Variants in SAFB observed in about 807,000 individuals in gnomAD.
SAFB encodes scaffold attachment factor B.
In SAFB, 15 loss-of-function variants were observed where a neutral mutation model predicts 101.6. The observed-to-expected ratio is 0.15, with a 90% CI of 0.10 to 0.23. The LOEUF (loss-of-function observed/expected upper bound fraction) is 0.23, where lower values mean the gene tolerates loss of function less well. Among genes scored for constraint, SAFB ranks in the 10% least tolerant of loss-of-function variants. The pLI is 1.00. For missense variants in SAFB, 930 were observed against 1,104.1 expected (o/e 0.84, Z 2.23); for synonymous variants, 449 against 407.5 (o/e 1.10, Z -1.23).
At chr19:5,656,630 G>A (rs917925346) in intron 13 of SAFB, among the ~76,000 whole-genome samples, 5 of 145,768 alleles carry the variant, frequency 3.4e-5, no homozygotes, top group African/African-American at 5.1e-5. Context: ...ACACTGGAGT[G>A]TAGTGGCGCG....
intron 2 of SAFB, among the ~76,000 whole-genome samples, chr19:5,636,227 G>T (rs376611911): frequency 6.6e-6 from 1 of 152,020 alleles, no homozygotes; most frequent in African/African-American, 2.4e-5. Flanking sequence ...AGAGAACACC[G>T]TATGGAGGGC....
chr19:5,641,522 G>A (rs1336893625), intron 2 of SAFB, 72 bp from the exon 3 acceptor site: 60 of 1,240,384 alleles, frequency 4.8e-5, no homozygotes, highest in South Asian at 3.2e-4. Context: ...CACTTGTGTA[G>A]TGCTCAGGGC....
At position 5,630,069 on chromosome 19, in the gene SAFB, C is replaced by G. The variant is rs531877372; in HGVS notation, c.274+3580C>G. On this transcript the variant is annotated intron_variant, in intron 2 of 20. Coordinates refer to ENST00000588852, the MANE Select transcript of SAFB (RefSeq NM_001201338.2). ...ACAAAAACAAAAACAAAAAGCTGTC[C>G]CAGGTTGTACCCTACCAACAATGGG... Among the ~76,000 whole-genome samples the G allele has an allele frequency of 1.2e-4, 19 of 152,268 alleles. No individual in the cohort carries two copies. The East Asian group carries it at 2.9e-3, about 23-fold the overall frequency.
In SAFB at chr19:5,667,402, G is replaced by T; in HGVS notation, c.2509G>T (p.Gly837Cys). 1.3e-6 allele frequency: 2 copies of T among 1,516,240 alleles called. No individual in the cohort carries two copies. Among genetic ancestry groups the T allele is most frequent in the Non-Finnish European group, 1.8e-6 (2 of 1,137,994 alleles). 93.9% of individuals were successfully genotyped at this position (1,516,240 alleles called of 1,614,324 possible). A position where few individuals can be genotyped will look rare whatever the true frequency, so the allele number is the denominator to read the frequency against. Reference sequence around the variant, plus strand: ...AAGAGAGGATGACCGGTCATGGCAGGGCACGGCCGACGGGGGCATGATGGA... The same window carrying T: ...AAGAGAGGATGACCGGTCATGGCAGTGCACGGCCGACGGGGGCATGATGGA... ...GRREDDRSWQ[G>C]TADGGMMDRD... Residue 837 changes from glycine (G) to cysteine (C), a missense_variant, in exon 19 of 21, where the codon GGC becomes TGC. Coordinates refer to ENST00000588852, the MANE Select transcript of SAFB (RefSeq NM_001201338.2). This position sits in a 1 kb window ranked among gnomAD's most constrained non-coding sequence, Gnocchi z 4.0.
intron 10 of SAFB, 23 bp from the exon 11 acceptor site, chr19:5,653,315 T>C (rs374888263): frequency 3.3e-5 from 53 of 1,613,392 alleles, no homozygotes; most frequent in Non-Finnish European, 4.3e-5. Flanking sequence ...GAAATGGGGG[T>C]AATACTTGAT....
Position 5,636,742 on chromosome 19 carries a change from C to G in SAFB, c.275-4852C>G, listed in dbSNP as rs910856166. ...CTTTTTTCTTTGAGACAGGGTCTGA[C>G]TCTGTCACCCAGGCTGAGTGCAGTG... On this transcript the variant is annotated intron_variant, in intron 2 of 20. Transcript: ENST00000588852. Among the ~76,000 whole-genome samples, 48 of 151,890 alleles carry G rather than the reference C, an allele frequency of 3.2e-4. 1 individual carries two copies. The highest frequency in any genetic ancestry group is 2.6e-4 in the Admixed American group (4 of 15,258).
intron 15 of SAFB, among the ~76,000 whole-genome samples, 175 bp downstream of exon 15, chr19:5,661,983 C>T (rs2054219829): frequency 6.6e-6 from 1 of 151,558 alleles, no homozygotes; most frequent in Non-Finnish European, 1.5e-5. Flanking sequence ...CTCCCGGGTT[C>T]ACACCATTCT....
intron 2 of SAFB, among the ~76,000 whole-genome samples, chr19:5,640,401 C>T (rs371169397): frequency 1.7e-5 from 2 of 114,978 alleles, no homozygotes; most frequent in Non-Finnish European, 1.6e-5. Context: ...GAGTCTCGCT[C>T]TGTTGCCAGA....
chr19:5,656,558 G>A (rs1018207015), intron 13 of SAFB, among the ~76,000 whole-genome samples: 2 of 149,950 alleles, frequency 1.3e-5, no homozygotes, highest in Non-Finnish European at 3.0e-5. Flanking sequence ...TTATAGGCGT[G>A]AGCCACTGCG....
intron 13 of SAFB, among the ~76,000 whole-genome samples, chr19:5,655,499 A>G (rs1005977902): frequency 1.3e-5 from 2 of 149,306 alleles, no homozygotes; most frequent in African/African-American, 4.9e-5. Flanking sequence ...TATTATTTGC[A>G]TGGTCTGTGC....
rs569076445 is a variant in SAFB at position 5,651,590 on chromosome 19, T to A, written c.1293+518T>A. On this transcript the variant is annotated intron_variant, in intron 9 of 20. Transcript: ENST00000588852. ...ACCACTGGGGGCAGTTCTAGTGGCC[T>A]CTTGTCTGCAGCACCTGCCTTTCCT... is the stretch of plus-strand genomic sequence containing the variant. Among the ~76,000 whole-genome samples the A allele has an allele frequency of 2.6e-5, 4 of 152,294 alleles. No homozygotes were observed. The East Asian group carries it at 7.7e-4, about 29-fold the overall frequency.
intron 2 of SAFB, among the ~76,000 whole-genome samples, chr19:5,630,861 AT>A (rs1445952203): frequency 2.6e-5 from 4 of 152,240 alleles, no homozygotes; most frequent in African/African-American, 9.6e-5. Flanking sequence ...TTTAGAATGT[AT>A]TTTGCATGTG....
chr19:5,650,045 G>A, intron 8 of SAFB, 70 bp downstream of exon 8: 1 of 1,197,776 alleles, frequency 8.3e-7, no homozygotes, highest in African/African-American at 1.5e-5. Context: ...ATTTGATTCT[G>A]GTTCATCGCG....
intron 5 of SAFB, among the ~76,000 whole-genome samples, chr19:5,645,735 A>T (rs555774046): frequency 1.6e-4 from 25 of 152,266 alleles, no homozygotes; most frequent in African/African-American, 5.8e-4. Flanking sequence ...CTGCAGAAAG[A>T]TGATTTGATG....
intron 15 of SAFB, among the ~76,000 whole-genome samples, chr19:5,662,098 G>C (rs1372978080): frequency 6.6e-6 from 1 of 152,098 alleles, no homozygotes; most frequent in African/African-American, 2.4e-5. Context: ...TGTTAGCCAG[G>C]ATGGTCTCTA....
At chr19:5,660,338 A>C (rs1599379472) in intron 14 of SAFB, among the ~76,000 whole-genome samples, 4 of 115,474 alleles carry the variant, frequency 3.5e-5, no homozygotes, top group Admixed American at 1.9e-4. Flanking sequence ...CTCCCTGCAC[A>C]CACCTTTTTT....
intron 15 of SAFB, among the ~76,000 whole-genome samples, chr19:5,663,162 C>G (rs1049252094): frequency 5.9e-5 from 9 of 151,726 alleles, no homozygotes; most frequent in African/African-American, 2.2e-4. Context: ...GCTACCACAC[C>G]CGGCTAATTT....
chr19:5,647,990 A>G (rs2053860130), intron 5 of SAFB, 26 bp from the exon 6 acceptor site: 1 of 1,605,080 alleles, frequency 6.2e-7, no homozygotes. Context: ...CATCTGGCAC[A>G]GTCTTATTTA....
rs1460403829 is a variant in SAFB, at chr19:5,654,097, A to G, written c.1563A>G (p.Arg521=). The G allele has an allele frequency of 9.9e-6, 16 of 1,614,174 alleles. No individual in the cohort carries two copies. The highest frequency in any genetic ancestry group is 1.3e-5 in the Non-Finnish European group (15 of 1,179,998). The part of the protein sequence containing the change: ...TNLKRDDKCD[R]KDDAKKGDDG... ...TTAAGAGGGATGATAAATGTGACAG[A>G]AAAGATGATGCTAAGAAGGGTGACG... is the stretch of plus-strand genomic sequence containing the variant. Residue 521 remains arginine, a synonymous_variant, in exon 12 of 21, where the codon AGA becomes AGG. Transcript: ENST00000588852.
Sources: gnomAD v4.1 joint callset for allele counts (sites outside exome capture counted in the v4.1 genomes callset) on GRCh38, gnomAD v4.1.1 for gene constraint, Gnocchi (gnomAD v3.1) non-coding constraint, MANE v1.5 for transcripts, NCBI Gene and HGNC (gene_info 2026-07-23, HGNC 2026-07-21) for gene names.